C2CD2L: variants seen among roughly 807,000 people sequenced by gnomAD.
C2CD2L encodes C2CD2 like, also known as phospholipid transfer protein C2CD2L.
In C2CD2L, 24 loss-of-function variants were observed where a neutral mutation model predicts 69.9. The observed-to-expected ratio is 0.34, with a 90% CI of 0.25 to 0.48. The LOEUF is 0.48. Among genes scored for constraint, C2CD2L ranks in the 20% least tolerant of loss-of-function variants. The probability of loss-of-function intolerance (pLI) is 0.99; values close to 1 mark genes in which losing one functional copy is unlikely to be tolerated. For synonymous variants in C2CD2L, 367 were observed against 391.0 expected, an observed-to-expected ratio of 0.94 and a Z score of 0.72; for missense variants, 811 against 941.5, an observed-to-expected ratio of 0.86 and a Z score of 1.81.
Position 119,114,131 on chromosome 11 carries a change from C to T in C2CD2L, c.1675C>T (p.Leu559=), listed in dbSNP as rs762450140. 8.7e-6 allele frequency: 14 copies of T among 1,614,018 alleles called. 1 individual carries two copies. The African/African-American group carries it at 1.5e-4, about 17-fold the overall frequency. ...LALSLGYAAS[L]EASVQDDAGT... The stretch of plus-strand genomic sequence containing the variant: ...GCTATCCCTGGGCTATGCGGCATCC[C>T]TGGAAGCCTCAGTGCAGGATGATGC... Residue 559 remains leucine, a synonymous_variant, in exon 13 of 14, where the codon CTG becomes TTG. Transcript: ENST00000648610. The surrounding 1 kb of genome is among the most constrained non-coding windows in gnomAD (Gnocchi z 5.1).
In C2CD2L at chr11:119,116,418, G is replaced by C; in HGVS notation, c.*162G>C. ...GGCCGGTTGGAAGGATACTTGGAACGGGAAGCACATGAGAGGTGGGCACCC... is the reference window on the plus strand; with the variant it reads ...GGCCGGTTGGAAGGATACTTGGAACCGGAAGCACATGAGAGGTGGGCACCC... On this transcript the variant is annotated 3_prime_UTR_variant, in exon 14 of 14. Coordinates refer to ENST00000648610, the MANE Select transcript of C2CD2L (RefSeq NM_001290474.2). 1.6e-6 allele frequency: 1 copy of C among 632,860 alleles called. No individual in the cohort carries two copies. Among genetic ancestry groups the C allele is most frequent in the South Asian group, 1.9e-5 (1 of 51,984 alleles). The allele number at this position is 632,860 out of a possible 1,614,324, so 39.2% of individuals were successfully genotyped here.
In C2CD2L at chr11:119,107,944, C is replaced by T. The variant is rs1304470047; in HGVS notation, c.203C>T (p.Ser68Leu). 1 of 1,547,484 alleles carries T rather than the reference C, an allele frequency of 6.5e-7. No individual in the cohort carries two copies. Among genetic ancestry groups the T allele is most frequent in the Non-Finnish European group, 8.7e-7 (1 of 1,153,654 alleles). ...CTGCGGGAGCTGGGCGTGTGGCGCT[C>T]GCTGCTGCGGCTGCGGGCGACTCGG... is the stretch of plus-strand genomic sequence containing the variant. The part of the protein sequence containing the change: ...GSLRELGVWR[S>L]LLRLRATRAG... Residue 68 changes from serine to leucine, a missense_variant, in exon 1 of 14, where the codon TCG (serine) becomes TTG (leucine). Transcript: ENST00000648610. This position sits in a 1 kb window ranked among gnomAD's most constrained non-coding sequence, Gnocchi z 5.4.
chr11:119,102,361 T>G (rs1382678645), upstream of C2CD2L: 1 of 470,652 alleles, frequency 2.1e-6, no homozygotes, highest in South Asian at 1.5e-5. Context: ...GTTGCCAACA[T>G]AGTCGGAAGC....
In C2CD2L at chr11:119,110,674, A is replaced by G; in HGVS notation, c.564A>G (p.Pro188=). ...ACCACGTCACTCTGACACTGCCACC[A>G]ACACAGGTAGAAGGGGATGTGGGAA... ...ETYHVTLTLP[P]TQLEVNLEEI... Residue 188 remains proline (P), a synonymous_variant, in exon 3 of 14, where the codon CCA becomes CCG. Transcript: ENST00000648610. This position sits in a 1 kb window ranked among gnomAD's most constrained non-coding sequence, Gnocchi z 5.7. 1 of 1,613,910 alleles carries G rather than the reference A, an allele frequency of 6.2e-7. No homozygotes were observed. The highest frequency in any genetic ancestry group is 8.5e-7 in the Non-Finnish European group (1 of 1,180,016).
chr11:119,111,626 C>T lies in C2CD2L; in HGVS notation c.1016C>T (p.Ala339Val). The T allele has an allele frequency of 6.2e-7, 1 of 1,609,368 alleles. No individual in the cohort carries two copies. The highest frequency in any genetic ancestry group is 8.5e-7 in the Non-Finnish European group (1 of 1,176,476). Residue 339 changes from alanine to valine, a missense_variant, in exon 7 of 14, where the codon GCA (alanine) becomes GTA (valine). Transcript: ENST00000648610. Reference protein sequence around the residue: ...GSEVEWTEDLALDLGPQSREL... With the variant: ...GSEVEWTEDLVLDLGPQSREL... ...GAGGTGGAGTGGACAGAAGACCTGG[C>T]ACTGTAAGGAGTAACCCTGCCCCGA...
Position 119,116,593 on chromosome 11 carries a change from T to C in C2CD2L, c.*337T>C, listed in dbSNP as rs1031960051. The C allele has an allele frequency of 4.7e-6, 2 of 425,974 alleles. No homozygotes were observed. The highest frequency in any genetic ancestry group is 8.6e-6 in the Non-Finnish European group (2 of 233,512). 26.4% of individuals were successfully genotyped at this position (425,974 alleles called of 1,614,324 possible). A position where few individuals can be genotyped will look rare whatever the true frequency, so the allele number is the denominator to read the frequency against. On this transcript the variant is annotated 3_prime_UTR_variant, in exon 14 of 14. Coordinates refer to ENST00000648610, the MANE Select transcript of C2CD2L (RefSeq NM_001290474.2). ...GGTGCTCAGCTCTTCAGCTGACCCT[T>C]CTTCCCTTATTTATTCTCTTTTCTA...
Position 119,111,076 on chromosome 11 carries a change from T to A in C2CD2L, c.706T>A (p.Ser236Thr). 6.2e-7 allele frequency: 1 copy of A among 1,614,056 alleles called. No homozygotes were observed. Among genetic ancestry groups the A allele is most frequent in the Non-Finnish European group, 8.5e-7 (1 of 1,179,996 alleles). ...GAGAGGTGAAGAACAAGTGGAGCTCTCCACAATTGAGGAACTGATCAAGGA... is the reference window on the plus strand; with the variant it reads ...GAGAGGTGAAGAACAAGTGGAGCTCACCACAATTGAGGAACTGATCAAGGA... ...RERGEEQVEL[S>T]TIEELIKDAI... is the part of the protein sequence containing the mutation. The change falls in exon 5 of 14, where the codon TCC (serine) becomes ACC (threonine). Residue 236 changes from serine to threonine, a missense_variant. Coordinates refer to ENST00000648610, the MANE Select transcript of C2CD2L (RefSeq NM_001290474.2).
rs149830658 is a variant in C2CD2L at position 119,112,210 on chromosome 11, A to C, written c.1020-118A>C. 537 of 846,212 alleles carry C rather than the reference A, an allele frequency of 6.3e-4. 5 individuals carry two copies. Among genetic ancestry groups the C allele is most frequent in the East Asian group, 5.3e-3 (194 of 36,766 alleles). The allele number at this position is 846,212 out of a possible 1,614,324, so 52.4% of individuals were successfully genotyped here. A position where few individuals can be genotyped will look rare whatever the true frequency, so the allele number is the denominator to read the frequency against. ...TTGGAGGCCAGGAGAATCTGATTGG[A>C]GCATTTATGCCGTTTTATTTATGTA... On this transcript the variant is annotated intron_variant, in intron 7 of 13. Transcript: ENST00000648610.
intron 10 of C2CD2L, 124 bp downstream of exon 10, chr11:119,112,998 C>T: frequency 2.7e-6 from 2 of 751,306 alleles, no homozygotes; most frequent in Non-Finnish European, 2.1e-6. Flanking sequence ...CATTCCATTC[C>T]AGTCCTACCA....
Position 119,107,554 on chromosome 11 carries a change from C to G in C2CD2L, c.-188C>G. 2.4e-6 allele frequency: 1 copy of G among 417,678 alleles called. No individual in the cohort carries two copies. Among genetic ancestry groups the G allele is most frequent in the Non-Finnish European group, 4.2e-6 (1 of 239,418 alleles). The allele number at this position is 417,678 out of a possible 1,614,324, so 25.9% of individuals were successfully genotyped here. A position where few individuals can be genotyped will look rare whatever the true frequency, so the allele number is the denominator to read the frequency against. On this transcript the variant is annotated 5_prime_UTR_variant, in exon 1 of 14. Transcript: ENST00000648610. The surrounding 1 kb of genome is among the most constrained non-coding windows in gnomAD (Gnocchi z 5.4). ...GGAGACAGAGACCCCGGCATCGCGACCCCCGAGGACCTCCTCTCCTCGCCC... is the reference window on the plus strand; with the variant it reads ...GGAGACAGAGACCCCGGCATCGCGAGCCCCGAGGACCTCCTCTCCTCGCCC...
intron 13 of C2CD2L, 57 bp from the exon 14 acceptor site, chr11:119,115,988 C>T (rs771811042): frequency 3.5e-6 from 5 of 1,424,608 alleles, no homozygotes; most frequent in Non-Finnish European, 4.9e-6. Context: ...TGTCTCTGCC[C>T]CCGTCTCACC....
intron 10 of C2CD2L, chr11:119,113,117 T>G: frequency 3.5e-6 from 2 of 570,010 alleles, no homozygotes; most frequent in East Asian, 3.0e-5. Context: ...CCCCTCCTCA[T>G]ACAGGACTGT....
Position 119,112,319 on chromosome 11 carries a change from G to A in C2CD2L, c.1020-9G>A. On this transcript the variant is annotated splice_polypyrimidine_tract_variant and intron_variant, in intron 7 of 13. Coordinates refer to ENST00000648610, the MANE Select transcript of C2CD2L (RefSeq NM_001290474.2). ...TCTCCTTCCTGCCCCATCTCCTCTT[G>A]TCCCACAGGGATCTGGGCCCCCAGA... The A allele has an allele frequency of 6.2e-7, 1 of 1,611,204 alleles. No individual in the cohort carries two copies. Among genetic ancestry groups the A allele is most frequent in the Non-Finnish European group, 8.5e-7 (1 of 1,179,346 alleles).
rs1946782689 is a variant in C2CD2L at position 119,112,723 on chromosome 11, C to T, written c.1236C>T (p.Pro412=). ...AVELHYEEGS[P]RNLGTPTSST... ...AGCTTCACTATGAGGAGGGCTCTCC[C>T]CGGAACCTGGGTACTCCCACCTCCT... Residue 412 remains proline (P), a synonymous_variant, in exon 10 of 14, where the codon CCC becomes CCT. Transcript: ENST00000648610. 6.2e-7 allele frequency: 1 copy of T among 1,613,662 alleles called. No homozygotes were observed. Among genetic ancestry groups the T allele is most frequent in the African/African-American group, 1.3e-5 (1 of 74,866 alleles).
upstream of C2CD2L, among the ~76,000 whole-genome samples, chr11:119,105,030 A>G (rs1266336510): frequency 6.6e-6 from 1 of 152,264 alleles, no homozygotes; most frequent in Non-Finnish European, 1.5e-5. Flanking sequence ...AATGGCATAG[A>G]AATTCTCAAA....
chr11:119,107,877 C>G lies in C2CD2L; in HGVS notation c.136C>G (p.Arg46Gly), dbSNP rs542966136. 3.3e-6 allele frequency: 5 copies of G among 1,516,384 alleles called. No individual in the cohort carries two copies. The South Asian group carries it at 6.1e-5, about 19-fold the overall frequency. 93.9% of individuals were successfully genotyped at this position (1,516,384 alleles called of 1,614,324 possible). A position where few individuals can be genotyped will look rare whatever the true frequency, so the allele number is the denominator to read the frequency against. ...GLWLARARGD[R>G]GPGPALAGEP... ...GTGGCTGGCGCGGGCCCGCGGGGAC[C>G]GGGGCCCGGGACCCGCCTTAGCCGG... The change falls in exon 1 of 14, where the codon CGG (arginine) becomes GGG (glycine). Residue 46 changes from arginine to glycine, a missense_variant. Transcript: ENST00000648610. The surrounding 1 kb of genome is among the most constrained non-coding windows in gnomAD (Gnocchi z 5.4).
rs1946896566 is a variant in C2CD2L, at chr11:119,116,495, C to T, written c.*239C>T. On this transcript the variant is annotated 3_prime_UTR_variant, in exon 14 of 14. Transcript: ENST00000648610. ...GGTGGCTGGGAGGGAGAGGAGGGCCCTGTCCGGCATGTGTGGGTATTCCCC... is the reference window on the plus strand; with the variant it reads ...GGTGGCTGGGAGGGAGAGGAGGGCCTTGTCCGGCATGTGTGGGTATTCCCC... The T allele has an allele frequency of 1.7e-6, 1 of 589,358 alleles. No homozygotes were observed. The highest frequency in any genetic ancestry group is 3.0e-6 in the Non-Finnish European group (1 of 330,284). The allele number at this position is 589,358 out of a possible 1,614,324, so 36.5% of individuals were successfully genotyped here.
chr11:119,117,478 TG>T lies in C2CD2L; in HGVS notation c.*1225del, dbSNP rs765082517. 2.0e-5 allele frequency: 3 copies of T among 152,234 alleles called. No individual in the cohort carries two copies. The highest frequency in any genetic ancestry group is 4.4e-5 in the Non-Finnish European group (3 of 68,056). The allele number at this position is 152,234 out of a possible 1,614,324, so 9.4% of individuals were successfully genotyped here. A position where few individuals can be genotyped will look rare whatever the true frequency, so the allele number is the denominator to read the frequency against. On this transcript the variant is annotated 3_prime_UTR_variant, in exon 14 of 14. Transcript: ENST00000648610. Reference sequence around the variant, plus strand: ...GCTCTTCTAATTACTTGTGTGACCTTGGGCAAGTTATGTAACCTCTAAGTGC... The same window carrying T: ...GCTCTTCTAATTACTTGTGTGACCTTGGCAAGTTATGTAACCTCTAAGTGC...
chr11:119,114,032 C>G lies in C2CD2L; in HGVS notation c.1623+44C>G. On this transcript the variant is annotated intron_variant, in intron 12 of 13. Coordinates refer to ENST00000648610, the MANE Select transcript of C2CD2L (RefSeq NM_001290474.2). The surrounding 1 kb of genome is among the most constrained non-coding windows in gnomAD (Gnocchi z 5.1). ...GAGGAGCTGGGATGGGGAGAAAGCC[C>G]TAATGGGTCGGTCACTCCTGCCCAT... 6.2e-7 allele frequency: 1 copy of G among 1,613,504 alleles called. No individual in the cohort carries two copies. Among genetic ancestry groups the G allele is most frequent in the Non-Finnish European group, 8.5e-7 (1 of 1,179,496 alleles).
Sources: allele counts gnomAD v4.1 joint callset (sites outside exome capture counted in the v4.1 genomes callset), GRCh38; gene constraint gnomAD v4.1.1; non-coding constraint Gnocchi (gnomAD v3.1); transcripts MANE v1.5; gene names NCBI Gene and HGNC (gene_info 2026-07-23, HGNC 2026-07-21).